The following FBXL7 variants were observed in gnomAD, a reference collection of about 807,000 sequenced individuals.
The protein encoded by FBXL7 is F-box/LRR-repeat protein 7.
A neutral mutation model predicts 38.3 loss-of-function variants in FBXL7; 12 were observed. The ratio of observed to expected loss-of-function variants is 0.31; its 90% CI spans 0.20 to 0.51. The LOEUF (loss-of-function observed/expected upper bound fraction) is 0.51. Ranked by LOEUF, FBXL7 falls within the 20% of genes least tolerant of loss-of-function variation. The pLI, the probability that FBXL7 is intolerant of heterozygous loss-of-function variation, is 0.98. For missense variants in FBXL7, 567 were observed against 676.4 expected, an observed-to-expected ratio of 0.84 and a Z score of 1.79; for synonymous variants, 297 against 300.9, an observed-to-expected ratio of 0.99 and a Z score of 0.13.
chr5:15,702,580 A>G (rs980434284), intron 2 of FBXL7, among the ~76,000 whole-genome samples: 2 of 152,092 alleles, frequency 1.3e-5, no homozygotes, highest in South Asian at 4.2e-4. Context: ...TATTTTTTCA[A>G]TAGGTTCATT....
intron 2 of FBXL7, among the ~76,000 whole-genome samples, chr5:15,863,782 T>A (rs1739583285): frequency 6.6e-6 from 1 of 152,202 alleles, no homozygotes; most frequent in Non-Finnish European, 1.5e-5. Flanking sequence ...AAAAAGAACC[T>A]GGTACCTCCT....
intron 1 of FBXL7, among the ~76,000 whole-genome samples, chr5:15,532,531 A>G (rs1431488726): frequency 6.6e-6 from 1 of 152,222 alleles, no homozygotes; most frequent in African/African-American, 2.4e-5. Flanking sequence ...TTGAAAGGTA[A>G]AACAATTTAA....
chr5:15,603,644 TG>T (rs778670468), intron 1 of FBXL7, among the ~76,000 whole-genome samples: 1 of 152,358 alleles, frequency 6.6e-6, no homozygotes, highest in Non-Finnish European at 1.5e-5. Context: ...GTTATAGACA[TG>T]GGTATTTTTC....
At chr5:15,592,143 C>T (rs1192952999) in intron 1 of FBXL7, among the ~76,000 whole-genome samples, 1 of 152,178 alleles carries the variant, frequency 6.6e-6, no homozygotes, top group Non-Finnish European at 1.5e-5. Context: ...TGTGTTCATG[C>T]TCTGAGGAAA....
intron 2 of FBXL7, among the ~76,000 whole-genome samples, chr5:15,679,971 C>G (rs1297828961): frequency 6.6e-6 from 1 of 152,138 alleles, no homozygotes; most frequent in Non-Finnish European, 1.5e-5. Flanking sequence ...GCCAAATTTT[C>G]TCTCTAAATG....
intron 2 of FBXL7, among the ~76,000 whole-genome samples, chr5:15,886,212 T>G (rs918185798): frequency 2.1e-4 from 32 of 150,556 alleles, no homozygotes; most frequent in Non-Finnish European, 3.1e-4. Flanking sequence ...AATTTTGAGG[T>G]GTGTGTGTGT....
intron 2 of FBXL7, among the ~76,000 whole-genome samples, chr5:15,743,569 GTC>G (rs1200406877): frequency 2.0e-5 from 3 of 152,232 alleles, no homozygotes; most frequent in Admixed American, 6.5e-5. Flanking sequence ...GGCATTGAGT[GTC>G]TGCAGCTTTT....
At chr5:15,550,461 T>C (rs1006312336) in intron 1 of FBXL7, among the ~76,000 whole-genome samples, 6 of 152,146 alleles carry the variant, frequency 3.9e-5, no homozygotes, top group African/African-American at 1.4e-4. Flanking sequence ...TGGAAGGCGC[T>C]GTTGGGAAGG....
intron 2 of FBXL7, among the ~76,000 whole-genome samples, chr5:15,715,201 GT>G (rs1697953509): frequency 6.6e-6 from 1 of 152,014 alleles, no homozygotes; most frequent in Non-Finnish European, 1.5e-5. Context: ...ACAATTAAAA[GT>G]AGAGACCAGG....
intron 2 of FBXL7, among the ~76,000 whole-genome samples, chr5:15,878,691 C>T (rs1740315407): frequency 6.6e-6 from 1 of 152,152 alleles, no homozygotes; most frequent in Admixed American, 6.6e-5. Flanking sequence ...ACAGCTCATA[C>T]AGTCAATTAA....
chr5:15,667,990 G>T (rs1055759102), intron 2 of FBXL7, among the ~76,000 whole-genome samples: 1 of 152,064 alleles, frequency 6.6e-6, no homozygotes, highest in Non-Finnish European at 1.5e-5. Context: ...TGCTGGAAGC[G>T]TTAAGTGAGC....
In FBXL7 at chr5:15,767,259, T is replaced by TA. The variant is rs200325493; in HGVS notation, c.127+151198dup. Among the ~76,000 whole-genome samples, 329 of 146,420 alleles carry TA rather than the reference T, an allele frequency of 2.2e-3. 1 individual carries two copies. The highest frequency in any genetic ancestry group is 5.3e-3 in the African/African-American group (209 of 39,802). ...CTCACTTGTAAGTGAGAATATGTGA[T>TA]AAAAAAAAAAAGTCTATAATTTTCA... is the stretch of plus-strand genomic sequence containing the variant. On this transcript the variant is annotated intron_variant, in intron 2 of 3. Transcript: ENST00000504595.
chr5:15,841,160 C>A (rs964190663), intron 2 of FBXL7, among the ~76,000 whole-genome samples: 15 of 151,728 alleles, frequency 9.9e-5, no homozygotes, highest in African/African-American at 3.2e-4. Flanking sequence ...CTATTAACTT[C>A]TTTTTTTCTT....
At chr5:15,678,769 G>A (rs796189318) in intron 2 of FBXL7, among the ~76,000 whole-genome samples, 5 of 152,140 alleles carry the variant, frequency 3.3e-5, no homozygotes, top group South Asian at 4.1e-4. Flanking sequence ...CTTGTCTGCC[G>A]CCATGTAAGA....
chr5:15,545,481 A>C (rs1446878298), intron 1 of FBXL7, among the ~76,000 whole-genome samples: 1 of 152,214 alleles, frequency 6.6e-6, no homozygotes, highest in African/African-American at 2.4e-5. Context: ...ACTTTGCTAA[A>C]TAATCATATA....
chr5:15,730,312 A>G (rs891113742), intron 2 of FBXL7, among the ~76,000 whole-genome samples: 4 of 152,148 alleles, frequency 2.6e-5, no homozygotes, highest in South Asian at 2.1e-4. Context: ...TTTGGCTACT[A>G]GGAAGATTAG....
chr5:15,801,282 T>TG (rs1737557161), intron 2 of FBXL7, among the ~76,000 whole-genome samples: 1 of 152,148 alleles, frequency 6.6e-6, no homozygotes, highest in Admixed American at 6.5e-5. Context: ...AGGGATTCAT[T>TG]GGGGCATTGC....
intron 2 of FBXL7, among the ~76,000 whole-genome samples, chr5:15,689,052 G>GCAGGACAT (rs1327826566): frequency 6.6e-6 from 1 of 152,144 alleles, no homozygotes; most frequent in Non-Finnish European, 1.5e-5. Context: ...GAGACCATGG[G>GCAGGACAT]CAGGACATCA....
intron 3 of FBXL7, among the ~76,000 whole-genome samples, chr5:15,931,876 A>G (rs935542525): frequency 4.2e-4 from 64 of 152,224 alleles, no homozygotes; most frequent in African/African-American, 1.5e-3. Flanking sequence ...CCAGTGAAGC[A>G]TCCCCTGAAT....
Sources: gnomAD v4.1 joint callset for allele counts (sites outside exome capture counted in the v4.1 genomes callset) on GRCh38, gnomAD v4.1.1 for gene constraint, MANE v1.5 for transcripts, NCBI Gene and HGNC (gene_info 2026-07-23, HGNC 2026-07-21) for gene names.